The following PRDM6 variants were observed in gnomAD, a reference collection of about 807,000 sequenced individuals.
PRDM6 encodes PR/SET domain 6, also known as putative histone-lysine N-methyltransferase PRDM6.
In PRDM6, 25 loss-of-function variants were observed where a neutral mutation model predicts 60.8. That is an observed-to-expected ratio of 0.41 (90% CI 0.30 to 0.57). PRDM6 has a LOEUF of 0.57. Ranked by LOEUF, PRDM6 falls within the 20% of genes least tolerant of loss-of-function variation. The probability of loss-of-function intolerance (pLI) is 0.27; values close to 1 mark genes in which losing one functional copy is unlikely to be tolerated. For missense variants in PRDM6, 839 were observed against 821.3 expected, an observed-to-expected ratio of 1.02 and a Z score of -0.26; for synonymous variants, 407 against 357.4, an observed-to-expected ratio of 1.14 and a Z score of -1.57.
intron 3 of PRDM6, among the ~76,000 whole-genome samples, chr5:123,141,491 A>G (rs1377441334): frequency 6.6e-6 from 1 of 152,102 alleles, no homozygotes; most frequent in Non-Finnish European, 1.5e-5. Flanking sequence ...GTCAGGCACT[A>G]TTTGCAGCCC....
chr5:123,162,361 A>C (rs1765654304), intron 5 of PRDM6, among the ~76,000 whole-genome samples: 1 of 152,146 alleles, frequency 6.6e-6, no homozygotes, highest in Admixed American at 6.5e-5. Flanking sequence ...ATTTGGTGCC[A>C]CCGTGCCAAA....
rs144907751 is a variant in PRDM6, at chr5:123,090,985, G to T, written c.592+379G>T. Among the ~76,000 whole-genome samples the T allele has an allele frequency of 4.7e-3, 717 of 152,294 alleles. 3 individuals carry two copies. The highest frequency in any genetic ancestry group is 0.027 in the Middle Eastern group (8 of 294). Reference sequence around the variant, plus strand: ...GCAGCGTGTGACAGGGGGTGTCTGGGTCAGGCCCTGCCTGGCCTTAGCCGG... The same window carrying T: ...GCAGCGTGTGACAGGGGGTGTCTGGTTCAGGCCCTGCCTGGCCTTAGCCGG... On this transcript the variant is annotated intron_variant, in intron 2 of 7. Transcript: ENST00000407847.
intron 2 of PRDM6, among the ~76,000 whole-genome samples, chr5:123,097,230 G>A (rs1452504920): frequency 2.0e-5 from 3 of 152,174 alleles, no homozygotes; most frequent in African/African-American, 4.8e-5. Flanking sequence ...TTTAATGTCC[G>A]AAAACACAAG....
chr5:123,132,176 A>T lies in PRDM6; in HGVS notation c.901-23708A>T, dbSNP rs189673554. Among the ~76,000 whole-genome samples, 22 of 152,270 alleles carry T rather than the reference A, an allele frequency of 1.4e-4. No individual in the cohort carries two copies. The East Asian group carries it at 4.2e-3, about 29-fold the overall frequency. The stretch of plus-strand genomic sequence containing the variant: ...CATACTTAAAAATTTTTATGTAGAG[A>T]GTTCCAAACTTCCTTTGTCTATTAC... On this transcript the variant is annotated intron_variant, in intron 3 of 7. Coordinates refer to ENST00000407847, the MANE Select transcript of PRDM6 (RefSeq NM_001136239.4).
chr5:123,096,094 C>T (rs191228114), intron 2 of PRDM6, among the ~76,000 whole-genome samples: 5 of 744 alleles, frequency 6.7e-3, no homozygotes, highest in Non-Finnish European at 0.017. Context: ...TACTCAGAGA[C>T]GCTTAGACAG....
chr5:123,127,400 A>G (rs913409984), intron 3 of PRDM6, among the ~76,000 whole-genome samples: 8 of 152,300 alleles, frequency 5.3e-5, no homozygotes, highest in African/African-American at 1.7e-4. Flanking sequence ...ACAGTTGGGG[A>G]GGAAGGAAAA....
intron 3 of PRDM6, among the ~76,000 whole-genome samples, chr5:123,102,506 C>T (rs1764126616): frequency 6.6e-6 from 1 of 151,982 alleles, no homozygotes; most frequent in African/African-American, 2.4e-5. Context: ...AAGTAGAATA[C>T]ATTGTAGGTC....
rs1390927736 is a variant in PRDM6, at chr5:123,191,633, T to C, written c.*4432T>C. The C allele has an allele frequency of 6.6e-6, 1 of 152,196 alleles. No homozygotes were observed. Among genetic ancestry groups the C allele is most frequent in the Non-Finnish European group, 1.5e-5 (1 of 68,036 alleles). 9.4% of individuals were successfully genotyped at this position (152,196 alleles called of 1,614,324 possible). On this transcript the variant is annotated 3_prime_UTR_variant, in exon 8 of 8. Coordinates refer to ENST00000407847, the MANE Select transcript of PRDM6 (RefSeq NM_001136239.4). ...AATGTTATTCACTTGTCAGGATCCT[T>C]TTAAGGTGAAGAGCTTTGGAAAATT...
In PRDM6 at chr5:123,173,765, T is replaced by C. The variant is rs543372708; in HGVS notation, c.1496+2657T>C. 4.6e-5 allele frequency among the ~76,000 whole-genome samples: 7 copies of C among 152,350 alleles called. No individual in the cohort carries two copies. The South Asian group carries it at 1.5e-3, about 32-fold the overall frequency. On this transcript the variant is annotated intron_variant, in intron 6 of 7. Coordinates refer to ENST00000407847, the MANE Select transcript of PRDM6 (RefSeq NM_001136239.4). Reference sequence around the variant, plus strand: ...GAAATAGAGGGAGATATCCAGTCACTTGGACCCCCTAATTTCATTCTAGTT... The same window carrying C: ...GAAATAGAGGGAGATATCCAGTCACCTGGACCCCCTAATTTCATTCTAGTT...
rs113711477 is a variant in PRDM6 at position 123,130,858 on chromosome 5, C to T, written c.901-25026C>T. ...CTGGGATTACAGGCGTGAGCCACCA[C>T]GTCCAGCCTAGGAATATTTTTAAAA... On this transcript the variant is annotated intron_variant, in intron 3 of 7. Transcript: ENST00000407847. Among the ~76,000 whole-genome samples, 413 of 152,264 alleles carry T rather than the reference C, an allele frequency of 2.7e-3. 1 individual carries two copies. Among genetic ancestry groups the T allele is most frequent in the African/African-American group, 9.3e-3 (388 of 41,538 alleles).
At chr5:123,093,305 C>G (rs2092637311) in intron 2 of PRDM6, among the ~76,000 whole-genome samples, 1 of 152,106 alleles carries the variant, frequency 6.6e-6, no homozygotes, top group African/African-American at 2.4e-5. Flanking sequence ...TTCCCTTTAG[C>G]AAAGTAACTT....
intron 3 of PRDM6, among the ~76,000 whole-genome samples, chr5:123,121,710 C>T (rs115097565): frequency 0.015 from 2,299 of 152,276 alleles, 48 homozygotes; most frequent in African/African-American, 0.047. Flanking sequence ...TTAATGTTGT[C>T]TAAGTTCCAT....
chr5:123,124,086 C>G (rs1243164983), intron 3 of PRDM6, among the ~76,000 whole-genome samples: 1 of 152,144 alleles, frequency 6.6e-6, no homozygotes, highest in African/African-American at 2.4e-5. Flanking sequence ...TAGAGACTGA[C>G]TTGCCAGATT....
intron 3 of PRDM6, among the ~76,000 whole-genome samples, chr5:123,127,708 T>TTCTC: frequency 6.9e-6 from 1 of 143,898 alleles, no homozygotes; most frequent in Non-Finnish European, 1.5e-5. Flanking sequence ...CTTTCTTTCT[T>TTCTC]TCTCTTTCTT....
At chr5:123,095,334 G>A (rs938290676) in intron 2 of PRDM6, among the ~76,000 whole-genome samples, 2 of 152,216 alleles carry the variant, frequency 1.3e-5, no homozygotes, top group Non-Finnish European at 2.9e-5. Flanking sequence ...AGGCCTGGGC[G>A]CCCCACCCCG....
At chr5:123,137,269 CAG>C (rs1482679333) in intron 3 of PRDM6, among the ~76,000 whole-genome samples, 2 of 152,212 alleles carry the variant, frequency 1.3e-5, no homozygotes, top group Non-Finnish European at 2.9e-5. Context: ...TGCTGTGAGT[CAG>C]TGTGCAAGGT....
chr5:123,133,235 T>A (rs1764874859), intron 3 of PRDM6, among the ~76,000 whole-genome samples: 1 of 152,134 alleles, frequency 6.6e-6, no homozygotes, highest in South Asian at 2.1e-4. Flanking sequence ...ATTCTTACTA[T>A]TATAGGTAAT....
intron 3 of PRDM6, among the ~76,000 whole-genome samples, chr5:123,142,876 C>CCAAAAAAAAAAAAAAAAAAAAAA (rs1765137976): frequency 7.3e-5 from 1 of 13,704 alleles, no homozygotes; most frequent in Non-Finnish European, 1.5e-4. Flanking sequence ...ACAGTGAAGA[C>CCAAAAAAAAAAAAAAAAAAAAAA]CAAAAAAAAA....
chr5:123,167,834 A>G (rs1437084435), intron 5 of PRDM6, among the ~76,000 whole-genome samples: 2 of 152,164 alleles, frequency 1.3e-5, no homozygotes, highest in African/African-American at 4.8e-5. Context: ...ACTCTCTTGC[A>G]TGTTGATGAC....
Sources: gnomAD v4.1 joint callset for allele counts (sites outside exome capture counted in the v4.1 genomes callset) on GRCh38, gnomAD v4.1.1 for gene constraint, MANE v1.5 for transcripts, NCBI Gene and HGNC (gene_info 2026-07-23, HGNC 2026-07-21) for gene names.